MRPS18A: variants seen among roughly 807,000 people sequenced by gnomAD.
The protein encoded by MRPS18A is mitochondrial ribosomal protein S18A.
MRPS18A carries 20 observed loss-of-function variants against 22.7 expected under a neutral mutation model. The ratio of observed to expected loss-of-function variants is 0.88; its 90% CI spans 0.62 to 1.28. The LOEUF (loss-of-function observed/expected upper bound fraction) is 1.28. Among genes scored for constraint, MRPS18A ranks in the 50% most tolerant of loss-of-function variants. The pLI is 0.00. For synonymous variants in MRPS18A, 106 were observed against 99.1 expected (o/e 1.07, Z -0.41); for missense variants, 294 against 262.6 (o/e 1.12, Z -0.83).
chr6:43,676,803 T>C (rs984187744), intron 3 of MRPS18A, among the ~76,000 whole-genome samples: 4 of 152,218 alleles, frequency 2.6e-5, no homozygotes, highest in Non-Finnish European at 4.4e-5. Flanking sequence ...GCTGCATAAC[T>C]GCAGATTTGT....
chr6:43,671,993 G>T, intron 5 of MRPS18A, 87 bp from the exon 6 acceptor site: 1 of 1,414,154 alleles, frequency 7.1e-7, no homozygotes, highest in Non-Finnish European at 9.4e-7. Context: ...CTCAGGCCAG[G>T]CCACGGTTGG....
chr6:43,678,459 C>T (rs1472121426), intron 3 of MRPS18A, 59 bp downstream of exon 3: 5 of 1,296,924 alleles, frequency 3.9e-6, no homozygotes, highest in Non-Finnish European at 5.6e-6. Context: ...CTCCAGTTAA[C>T]CAGGGAATCT....
intron 5 of MRPS18A, among the ~76,000 whole-genome samples, chr6:43,672,808 G>A (rs1369009531): frequency 6.6e-6 from 1 of 152,208 alleles, no homozygotes; most frequent in Non-Finnish European, 1.5e-5. Context: ...GTTCAACTGA[G>A]CTCCGCTGGA....
At chr6:43,677,690 T>A (rs1232264275) in intron 3 of MRPS18A, among the ~76,000 whole-genome samples, 1 of 152,096 alleles carries the variant, frequency 6.6e-6, no homozygotes, top group Non-Finnish European at 1.5e-5. Context: ...GGCTGGGGGA[T>A]CTGAGGCAAG....
At chr6:43,674,948 T>C (rs1005541251) in intron 5 of MRPS18A, among the ~76,000 whole-genome samples, 4 of 152,172 alleles carry the variant, frequency 2.6e-5, no homozygotes, top group African/African-American at 9.7e-5. Context: ...TGTGATGTCA[T>C]AGATGGGGGA....
chr6:43,683,172 C>T lies in MRPS18A; in HGVS notation c.113-2052G>A, dbSNP rs149170547. ...CTGGAAAACAGATCAAAGCCCATGG[C>T]AAGCTCCACTGTTCACAAACTCCCC... is the stretch of plus-strand genomic sequence containing the variant. On this transcript the variant is annotated intron_variant, in intron 1 of 5. Transcript: ENST00000372133. Among the ~76,000 whole-genome samples, 371 of 152,302 alleles carry T rather than the reference C, an allele frequency of 2.4e-3. 2 individuals are homozygous for T. Among genetic ancestry groups the T allele is most frequent in the Admixed American group, 4.1e-3 (62 of 15,300 alleles).
Position 43,687,655 on chromosome 6 carries a change from A to T in MRPS18A, c.112+13T>A. ...TTCTTAATTTCAGGAGGTTGCTGGG[A>T]CGCATGACTCACCTTCCCTGAACCC... On this transcript the variant is annotated intron_variant, in intron 1 of 5. Coordinates refer to ENST00000372133, the MANE Select transcript of MRPS18A (RefSeq NM_018135.4). The T allele has an allele frequency of 9.0e-7, 1 of 1,111,482 alleles. No individual in the cohort carries two copies. The highest frequency in any genetic ancestry group is 1.3e-6 in the Non-Finnish European group (1 of 776,746). The allele number at this position is 1,111,482 out of a possible 1,614,324, so 68.9% of individuals were successfully genotyped here.
chr6:43,687,149 G>A (rs537311170), intron 1 of MRPS18A, among the ~76,000 whole-genome samples: 2 of 152,282 alleles, frequency 1.3e-5, no homozygotes, highest in South Asian at 4.1e-4. Flanking sequence ...TCCTGCATTT[G>A]CCTATGTCTC....
intron 3 of MRPS18A, among the ~76,000 whole-genome samples, chr6:43,676,533 G>A (rs1774063899): frequency 6.6e-6 from 1 of 152,118 alleles, no homozygotes; most frequent in Non-Finnish European, 1.5e-5. Context: ...AGGCTGCCTG[G>A]GACAGGTCAA....
Position 43,673,527 on chromosome 6 carries a change from T to C in MRPS18A, c.447-1621A>G, listed in dbSNP as rs1773871726. The stretch of plus-strand genomic sequence containing the variant: ...TGCCTTGGAGAGGGAAGCTGGGCTT[T>C]AGCTGGCCTTGGGCCTGATGCCTGC... On this transcript the variant is annotated intron_variant, in intron 5 of 5. Transcript: ENST00000372133. The surrounding 1 kb of genome is among the most constrained non-coding windows in gnomAD (Gnocchi z 4.2). Among the ~76,000 whole-genome samples the C allele has an allele frequency of 1.3e-5, 2 of 152,220 alleles. No individual in the cohort carries two copies. The highest frequency in any genetic ancestry group is 4.8e-5 in the African/African-American group (2 of 41,466).
chr6:43,678,522 T>C lies in MRPS18A; in HGVS notation c.248A>G (p.Tyr83Cys), dbSNP rs1182179267. The C allele has an allele frequency of 4.4e-6, 7 of 1,607,746 alleles. No individual in the cohort carries two copies. Among genetic ancestry groups the C allele is most frequent in the African/African-American group, 4.0e-5 (3 of 74,746 alleles). ...TGTCTCTGTACCCAGACTCACGTCA[T>C]AGTTATACTTGTGCTTCAGGTTCCA... ...CRWNLKHKYN[Y>C]DDVLLLSQFI... Residue 83 changes from tyrosine (Y) to cysteine (C), a missense_variant, in exon 3 of 6, where the codon TAT (tyrosine) becomes TGT (cysteine). By Grantham distance (194) the Tyr-to-Cys change is radical. Coordinates refer to ENST00000372133, the MANE Select transcript of MRPS18A (RefSeq NM_018135.4).
At chr6:43,679,469 T>TTTAA (rs762639304) in intron 2 of MRPS18A, among the ~76,000 whole-genome samples, 4 of 152,350 alleles carry the variant, frequency 2.6e-5, no homozygotes, top group Middle Eastern at 3.4e-3. Context: ...GATGCCACCT[T>TTTAA]TTAAACCCTG....
chr6:43,676,574 C>T (rs941946114), intron 3 of MRPS18A, among the ~76,000 whole-genome samples: 7 of 152,316 alleles, frequency 4.6e-5, no homozygotes, highest in Non-Finnish European at 1.0e-4. Flanking sequence ...AGAATCAAGA[C>T]AAGGGACCAC....
intron 1 of MRPS18A, among the ~76,000 whole-genome samples, chr6:43,683,803 C>A (rs1364438284): frequency 6.6e-6 from 1 of 152,158 alleles, no homozygotes; most frequent in East Asian, 1.9e-4. Flanking sequence ...CTGTGAATTA[C>A]AGTAGAATAG....
At chr6:43,682,494 A>C (rs1294445487) in intron 1 of MRPS18A, among the ~76,000 whole-genome samples, 1 of 152,210 alleles carries the variant, frequency 6.6e-6, no homozygotes, top group Non-Finnish European at 1.5e-5. Flanking sequence ...CTGCTCCAAA[A>C]CAACCAACCT....
At chr6:43,681,067 T>C (rs1175618137) in intron 2 of MRPS18A, 22 bp downstream of exon 2, 5 of 1,612,538 alleles carry the variant, frequency 3.1e-6, no homozygotes, top group Middle Eastern at 1.6e-4. Context: ...AGGTTATACA[T>C]GGCCAACTCA....
intron 2 of MRPS18A, among the ~76,000 whole-genome samples, chr6:43,679,760 C>T (rs949481943): frequency 6.6e-6 from 1 of 152,114 alleles, no homozygotes; most frequent in African/African-American, 2.4e-5. Flanking sequence ...TACCCTCCTT[C>T]TGCCATGGCA....
intron 1 of MRPS18A, among the ~76,000 whole-genome samples, chr6:43,685,531 T>TG (rs1422428906): frequency 6.6e-6 from 1 of 152,230 alleles, no homozygotes; most frequent in South Asian, 2.1e-4. Context: ...CAATTGTTAC[T>TG]GGGGGACAAA....
chr6:43,682,101 A>C (rs1311417478), intron 1 of MRPS18A, among the ~76,000 whole-genome samples: 1 of 152,200 alleles, frequency 6.6e-6, no homozygotes, highest in Admixed American at 6.5e-5. Context: ...TCAGGAGTTA[A>C]GGAGACCAGC....
Sources: allele counts gnomAD v4.1 joint callset (sites outside exome capture counted in the v4.1 genomes callset), GRCh38; gene constraint gnomAD v4.1.1; non-coding constraint Gnocchi (gnomAD v3.1); transcripts MANE v1.5; gene names NCBI Gene and HGNC (gene_info 2026-07-23, HGNC 2026-07-21).